PCDHGA9: variants seen among roughly 807,000 people sequenced by gnomAD.
PCDHGA9 encodes the protein protocadherin gamma subfamily A, 9.
PCDHGA9 carries 37 observed loss-of-function variants against 62.5 expected under a neutral mutation model. The ratio of observed to expected loss-of-function variants is 0.59; its 90% confidence interval spans 0.46 to 0.78. The LOEUF (loss-of-function observed/expected upper bound fraction) is 0.78. PCDHGA9 is among the 30% of genes least tolerant of loss of function. The pLI is 0.00. For missense variants in PCDHGA9, 1,138 were observed against 1,166.2 expected, an observed-to-expected ratio of 0.98 and a Z score of 0.35; for synonymous variants, 459 against 484.6, an observed-to-expected ratio of 0.95 and a Z score of 0.69.
Position 141,422,656 on chromosome 5 carries a change from G to T in PCDHGA9, c.2424+17280G>T, listed in dbSNP as rs759548203. The T allele has an allele frequency of 7.5e-6, 12 of 1,609,898 alleles. 1 individual carries two copies. The African/African-American group carries it at 1.1e-4, about 14-fold the overall frequency. On this transcript the variant is annotated intron_variant, in intron 1 of 3. Transcript: ENST00000573521. The stretch of plus-strand genomic sequence containing the variant: ...GGGTGCCTCCATCTTCTCAGTGACC[G>T]CCCTCGACCCGGACAGCAAACAGAA...
At chr5:141,498,194 T>C (rs1014641829) in intron 2 of PCDHGA9, among the ~76,000 whole-genome samples, 16 of 152,254 alleles carry the variant, frequency 1.1e-4, no homozygotes, top group African/African-American at 3.6e-4. Context: ...ATTAACCAGC[T>C]AAAGAAAAGA....
chr5:141,505,633 A>C, intron 3 of PCDHGA9, 152 bp downstream of exon 3: 3 of 1,471,286 alleles, frequency 2.0e-6, no homozygotes, highest in South Asian at 1.3e-5. Context: ...TCCAAACATA[A>C]AGCCTGGAAT....
At chr5:141,410,335 T>C (rs2095381391) in intron 1 of PCDHGA9, 1 of 1,613,894 alleles carries the variant, frequency 6.2e-7, no homozygotes, top group African/African-American at 1.3e-5. Context: ...TTCTGGCCAT[T>C]GCCTTGCGCC....
chr5:141,499,466 G>C (rs1337970911), intron 2 of PCDHGA9, among the ~76,000 whole-genome samples: 1 of 152,034 alleles, frequency 6.6e-6, no homozygotes, highest in African/African-American at 2.4e-5. Flanking sequence ...TTACAATCTA[G>C]GGAGAACCAC....
chr5:141,464,515 A>C (rs969421973), intron 1 of PCDHGA9, among the ~76,000 whole-genome samples: 4 of 152,028 alleles, frequency 2.6e-5, no homozygotes, highest in Non-Finnish European at 4.4e-5. Flanking sequence ...CATAAGGTAA[A>C]GGCATATGTA....
intron 2 of PCDHGA9, among the ~76,000 whole-genome samples, chr5:141,503,132 CCT>C (rs1388312522): frequency 6.6e-6 from 1 of 151,994 alleles, no homozygotes; most frequent in Non-Finnish European, 1.5e-5. Flanking sequence ...TCTGGTAGCC[CCT>C]GACACAGCCC....
At position 141,403,315 on chromosome 5, in the gene PCDHGA9, A is replaced by C; in HGVS notation, c.363A>C (p.Ile121=). Residue 121 remains isoleucine, a synonymous_variant, in exon 1 of 4, where the codon ATA becomes ATC. Coordinates refer to ENST00000573521, the MANE Select transcript of PCDHGA9 (RefSeq NM_018921.3). The part of the protein sequence containing the change: ...EDRVKLYGIE[I]EVTDINDSAP... Reference sequence around the variant, plus strand: ...GAGTGAAACTGTACGGAATAGAAATAGAAGTAACTGATATTAACGACAGCG... The same window carrying C: ...GAGTGAAACTGTACGGAATAGAAATCGAAGTAACTGATATTAACGACAGCG... The C allele has an allele frequency of 6.2e-7, 1 of 1,613,974 alleles. No individual in the cohort carries two copies. The highest frequency in any genetic ancestry group is 1.3e-5 in the African/African-American group (1 of 75,072).
At chr5:141,467,768 C>T (rs2099151160) in intron 1 of PCDHGA9, among the ~76,000 whole-genome samples, 2 of 151,794 alleles carry the variant, frequency 1.3e-5, no homozygotes, top group African/African-American at 2.4e-5. Flanking sequence ...CTCAAGTGCC[C>T]GCACCTCAGC....
In PCDHGA9 at chr5:141,423,579, G is replaced by A. The variant is rs760902886; in HGVS notation, c.2424+18203G>A. 6 of 1,613,378 alleles carry A rather than the reference G, an allele frequency of 3.7e-6. No homozygotes were observed. In the East Asian group the frequency reaches 1.3e-4, roughly 36 times the overall value. ...ATGGGGACACGCTCATCAGCCAGGA[G>A]AGCTGTGAGAAAAGCGAGCCACTCT... On this transcript the variant is annotated intron_variant, in intron 1 of 3. Transcript: ENST00000573521.
chr5:141,505,053 T>C (rs904041070), intron 2 of PCDHGA9, among the ~76,000 whole-genome samples: 2 of 152,108 alleles, frequency 1.3e-5, no homozygotes, highest in African/African-American at 4.8e-5. Context: ...TCCCAGCTAC[T>C]TGGGAGACTG....
chr5:141,413,352 G>C lies in PCDHGA9; in HGVS notation c.2424+7976G>C, dbSNP rs896091511. ...ACATCTCCAAGGACTTGGGTCTGGC[G>C]CCCCGGGAGCTGGCGGAGCGCGGAG... On this transcript the variant is annotated intron_variant, in intron 1 of 3. Coordinates refer to ENST00000573521, the MANE Select transcript of PCDHGA9 (RefSeq NM_018921.3). 1.9e-6 allele frequency: 3 copies of C among 1,613,858 alleles called. No homozygotes were observed. In the African/African-American group the frequency reaches 4.0e-5, roughly 22 times the overall value.
At chr5:141,430,827 T>A in intron 1 of PCDHGA9, 1 of 1,551,000 alleles carries the variant, frequency 6.4e-7, no homozygotes, top group South Asian at 1.3e-5. Flanking sequence ...CTGGGGACTC[T>A]GTGGGAGACC....
intron 1 of PCDHGA9, among the ~76,000 whole-genome samples, chr5:141,459,804 C>G (rs2098975712): frequency 6.6e-6 from 1 of 152,192 alleles, no homozygotes; most frequent in Non-Finnish European, 1.5e-5. Context: ...TCCCTGTTGA[C>G]TAGAGACACT....
Position 141,414,833 on chromosome 5 carries a change from G to A in PCDHGA9, c.2424+9457G>A, listed in dbSNP as rs768992312. On this transcript the variant is annotated intron_variant, in intron 1 of 3. Coordinates refer to ENST00000573521, the MANE Select transcript of PCDHGA9 (RefSeq NM_018921.3). ...CCACTCAGCAGCAACGTGTCGTTGAGCCTGTTTGTGCTGGACCAGAACGAC... is the reference window on the plus strand; with the variant it reads ...CCACTCAGCAGCAACGTGTCGTTGAACCTGTTTGTGCTGGACCAGAACGAC... 1.9e-6 allele frequency: 3 copies of A among 1,614,098 alleles called. No homozygotes were observed. In the East Asian group the frequency reaches 6.7e-5, roughly 36 times the overall value.
At chr5:141,425,379 G>A (rs1330938768) in intron 1 of PCDHGA9, among the ~76,000 whole-genome samples, 7 of 152,152 alleles carry the variant, frequency 4.6e-5, no homozygotes, top group African/African-American at 4.8e-5. Context: ...ATGTTGATTC[G>A]GAGGTAGTGA....
At chr5:141,419,431 G>A in intron 1 of PCDHGA9, 2 of 1,613,306 alleles carry the variant, frequency 1.2e-6, no homozygotes. Context: ...ACCACGAGCA[G>A]CTGCGCACCT....
intron 1 of PCDHGA9, chr5:141,409,951 G>T: frequency 6.2e-7 from 1 of 1,613,374 alleles, no homozygotes; most frequent in Non-Finnish European, 8.5e-7. Context: ...GCTCTGCAGA[G>T]CCCGGCTACC....
intron 1 of PCDHGA9, chr5:141,407,978 A>ATCCGTCAGCCTCTGGCCTGGGAT (rs2095018425): frequency 2.7e-6 from 2 of 743,974 alleles, no homozygotes; most frequent in Non-Finnish European, 4.1e-6. Context: ...GACGCCGGGG[A>ATCCGTCAGCCTCTGGCCTGGGAT]TCCGTCAGCC....
intron 1 of PCDHGA9, chr5:141,419,566 C>G: frequency 3.1e-6 from 5 of 1,611,792 alleles, no homozygotes; most frequent in Non-Finnish European, 2.5e-6. Context: ...CGCTGGGTCC[C>G]GACGGCTCCG....
Sources: gnomAD v4.1 joint callset for allele counts (sites outside exome capture counted in the v4.1 genomes callset) on GRCh38, gnomAD v4.1.1 for gene constraint, MANE v1.5 for transcripts, NCBI Gene and HGNC (gene_info 2026-07-23, HGNC 2026-07-21) for gene names.